The following WDFY3 variants were observed in gnomAD, a reference collection of about 807,000 sequenced individuals.
WDFY3 encodes the protein WD repeat and FYVE domain containing 3.
In WDFY3, 66 loss-of-function variants were observed where a neutral mutation model predicts 409.6. That is an observed-to-expected ratio of 0.16 (90% CI 0.13 to 0.20). The LOEUF is 0.20. WDFY3 is among the 10% of genes least tolerant of loss of function. The pLI is 1.00. For missense variants in WDFY3, 3,031 were observed against 4,298.1 expected (o/e 0.71, Z 8.24); for synonymous variants, 1,521 against 1,537.1 (o/e 0.99, Z 0.25).
chr4:84,828,948 T>G, intron 9 of WDFY3, 56 bp downstream of exon 9: 2 of 1,462,452 alleles, frequency 1.4e-6, no homozygotes, highest in Non-Finnish European at 1.8e-6. Context: ...TTGTTTTCTT[T>G]GATAAAAAAG....
At chr4:84,674,613 T>C (rs1725945228) in intron 67 of WDFY3, among the ~76,000 whole-genome samples, 1 of 151,692 alleles carries the variant, frequency 6.6e-6, no homozygotes. Flanking sequence ...CTCATGACTG[T>C]AATCCCAGCA....
chr4:84,961,032 T>G (rs887930593), intron 1 of WDFY3, among the ~76,000 whole-genome samples: 1 of 151,942 alleles, frequency 6.6e-6, no homozygotes, highest in Non-Finnish European at 1.5e-5. Flanking sequence ...CTGGCTAACA[T>G]GGTGAAACCC....
intron 1 of WDFY3, among the ~76,000 whole-genome samples, chr4:84,946,811 T>C (rs570916879): frequency 6.6e-6 from 1 of 152,038 alleles, no homozygotes; most frequent in African/African-American, 2.4e-5. Flanking sequence ...CTTTCATTTT[T>C]TGTTTTTTTT....
At chr4:84,690,330 A>G (rs901269307) in intron 61 of WDFY3, among the ~76,000 whole-genome samples, 176 bp downstream of exon 61, 1 of 152,104 alleles carries the variant, frequency 6.6e-6, no homozygotes, top group African/African-American at 2.4e-5. Context: ...GTTAGAAACA[A>G]CCTATTCTGA....
In WDFY3 at chr4:84,844,488, G is replaced by T. The variant is rs1197020428; in HGVS notation, c.305-3225C>A. Reference sequence around the variant, plus strand: ...TGTTGTGGCTTTGAAATCCTTGGGGGACAGCAGGGCACACTGTTTTTCTGT... The same window carrying T: ...TGTTGTGGCTTTGAAATCCTTGGGGTACAGCAGGGCACACTGTTTTTCTGT... On this transcript the variant is annotated intron_variant, in intron 5 of 67. Coordinates refer to ENST00000295888, the MANE Select transcript of WDFY3 (RefSeq NM_014991.6). The T allele has an allele frequency of 2.3e-6, 3 of 1,289,640 alleles. No individual in the cohort carries two copies. In the East Asian group the frequency reaches 1.7e-4, roughly 72 times the overall value. The allele number at this position is 1,289,640 out of a possible 1,614,324, so 79.9% of individuals were successfully genotyped here.
In WDFY3 at chr4:84,688,703, T is replaced by G. The variant is rs138627012; in HGVS notation, c.9364-438A>C. Among the ~76,000 whole-genome samples, 136 of 151,524 alleles carry G rather than the reference T, an allele frequency of 9.0e-4. 1 individual carries two copies. The highest frequency in any genetic ancestry group is 3.3e-3 in the African/African-American group (134 of 41,210). On this transcript the variant is annotated intron_variant, in intron 61 of 67. Transcript: ENST00000295888. ...TCAGACCATTCTAAAGAATTACAAT[T>G]GAATGAATTTTTTTTTAAAAAAATG... is the stretch of plus-strand genomic sequence containing the variant.
chr4:84,755,418 A>G lies in WDFY3; in HGVS notation c.5425-18T>C, dbSNP rs370021726. The G allele has an allele frequency of 3.8e-6, 6 of 1,585,296 alleles. No individual in the cohort carries two copies. The Admixed American group carries it at 8.0e-5, about 21-fold the overall frequency. ...AAATCAAACTGCAGAGGTGAAAGGG[A>G]GCAAATATTAGCCACCACTAATTTT... On this transcript the variant is annotated intron_variant, in intron 33 of 67. Transcript: ENST00000295888.
intron 2 of WDFY3, among the ~76,000 whole-genome samples, chr4:84,919,646 T>A (rs1457225985): frequency 6.6e-6 from 1 of 152,180 alleles, no homozygotes; most frequent in Non-Finnish European, 1.5e-5. Flanking sequence ...AGAGATCTAA[T>A]GGTTTTATAA....
chr4:84,751,649 C>T lies in WDFY3; in HGVS notation c.5807G>A (p.Gly1936Glu). 1 of 1,614,090 alleles carries T rather than the reference C, an allele frequency of 6.2e-7. No homozygotes were observed. The highest frequency in any genetic ancestry group is 8.5e-7 in the Non-Finnish European group (1 of 1,180,016). The change falls in exon 36 of 68, where the codon GGG becomes GAG. Residue 1936 changes from glycine to glutamate, a missense_variant. Coordinates refer to ENST00000295888, the MANE Select transcript of WDFY3 (RefSeq NM_014991.6). ...EEFKAFAADT[G>E]MNRSQSEYCN... ...GTACTCTGATTGGCTCCTGTTCATC[C>T]CTGTGTCTGCTGCAAACGCTTTAAA...
chr4:84,898,891 A>G (rs1765984208), intron 2 of WDFY3, among the ~76,000 whole-genome samples: 1 of 152,232 alleles, frequency 6.6e-6, no homozygotes, highest in South Asian at 2.1e-4. Context: ...CACCTAAGTT[A>G]TCATCAAAAA....
intron 13 of WDFY3, among the ~76,000 whole-genome samples, chr4:84,812,496 T>C (rs922832133): frequency 2.0e-5 from 3 of 152,096 alleles, no homozygotes; most frequent in Non-Finnish European, 2.9e-5. Context: ...TTCCCTCTTA[T>C]GTAAAATGGA....
At chr4:84,837,834 ATT>A (rs1445118731) in intron 6 of WDFY3, among the ~76,000 whole-genome samples, 1 of 152,186 alleles carries the variant, frequency 6.6e-6, no homozygotes, top group Non-Finnish European at 1.5e-5. Context: ...CTCAGAAAAC[ATT>A]TATTGAGTGT....
chr4:84,744,186 A>G (rs1738946674), intron 36 of WDFY3, among the ~76,000 whole-genome samples: 1 of 150,246 alleles, frequency 6.7e-6, no homozygotes, highest in Non-Finnish European at 1.5e-5. Flanking sequence ...CTACAATAAT[A>G]TAATAAATAC....
In WDFY3 at chr4:84,734,845, G is replaced by T. The variant is rs191292266; in HGVS notation, c.6993+198C>A. Among the ~76,000 whole-genome samples, 18 of 152,280 alleles carry T rather than the reference G, an allele frequency of 1.2e-4. No individual in the cohort carries two copies. The East Asian group carries it at 3.5e-3, about 29-fold the overall frequency. ...TTAGTTGCTTTTTGAAATGCAGTTTGTTGACAGAAGATTAAAATTTTCCAT... is the reference window on the plus strand; with the variant it reads ...TTAGTTGCTTTTTGAAATGCAGTTTTTTGACAGAAGATTAAAATTTTCCAT... On this transcript the variant is annotated intron_variant, in intron 43 of 67. Transcript: ENST00000295888.
intron 3 of WDFY3, among the ~76,000 whole-genome samples, chr4:84,893,858 C>T (rs1765253979): frequency 6.6e-6 from 1 of 152,034 alleles, no homozygotes; most frequent in Admixed American, 6.5e-5. Context: ...GATGTGGTGG[C>T]CAGCGCCTGT....
intron 41 of WDFY3, 122 bp downstream of exon 41, chr4:84,737,062 A>G: frequency 9.7e-7 from 1 of 1,033,388 alleles, no homozygotes; most frequent in Non-Finnish European, 1.4e-6. Context: ...TGGTTGTTAT[A>G]TTGATTTTAA....
At chr4:84,737,042 C>A in intron 41 of WDFY3, 142 bp downstream of exon 41, 1 of 809,082 alleles carries the variant, frequency 1.2e-6, no homozygotes, top group Non-Finnish European at 1.8e-6. Context: ...TCAGTATAAT[C>A]ATTCTAGAAT....
intron 32 of WDFY3, among the ~76,000 whole-genome samples, chr4:84,762,804 T>G (rs962103058): frequency 6.6e-6 from 1 of 152,142 alleles, no homozygotes; most frequent in Non-Finnish European, 1.5e-5. Flanking sequence ...ATAGAAATTC[T>G]AAATAAAATT....
rs1215135327 is a variant in WDFY3 at position 84,784,891 on chromosome 4, TACAC to T, written c.4062+1084_4062+1087del. On this transcript the variant is annotated intron_variant, in intron 24 of 67. Transcript: ENST00000295888. ...ATATATATATATATATATATATATA[TACAC>T]ACACACACACACACACACACACACA... is the stretch of plus-strand genomic sequence containing the variant. 8.2e-3 allele frequency among the ~76,000 whole-genome samples: 301 copies of T among 36,872 alleles called. 2 individuals are homozygous for T. Among genetic ancestry groups the T allele is most frequent in the African/African-American group, 0.015 (192 of 13,044 alleles). The allele number at this position is 36,872 out of a possible 152,430, so 24.2% of individuals were successfully genotyped here.
Sources: allele counts gnomAD v4.1 joint callset (sites outside exome capture counted in the v4.1 genomes callset), GRCh38; gene constraint gnomAD v4.1.1; transcripts MANE v1.5; gene names NCBI Gene and HGNC (gene_info 2026-07-23, HGNC 2026-07-21).